ATP11A: variants seen among roughly 807,000 people sequenced by gnomAD.
ATP11A encodes phospholipid-transporting ATPase IH.
Under a neutral mutation model 154.4 loss-of-function variants are expected in ATP11A, and 81 were observed. The ratio of observed to expected loss-of-function variants is 0.52; its 90% CI spans 0.44 to 0.63. The LOEUF is 0.63. ATP11A is among the 30% of genes least tolerant of loss of function. The probability of loss-of-function intolerance (pLI) is 0.00; values close to 1 mark genes in which losing one functional copy is unlikely to be tolerated. For synonymous variants in ATP11A, 623 were observed against 585.9 expected, an observed-to-expected ratio of 1.06 and a Z score of -0.91; for missense variants, 1,316 against 1,474.3, an observed-to-expected ratio of 0.89 and a Z score of 1.76.
intron 1 of ATP11A, among the ~76,000 whole-genome samples, chr13:112,769,523 G>C (rs1367783639): frequency 6.6e-6 from 1 of 152,212 alleles, no homozygotes; most frequent in Admixed American, 6.5e-5. Flanking sequence ...CAGGGACCTT[G>C]GCCTCAAATT....
Position 112,690,516 on chromosome 13 carries a change from C to T in ATP11A, c.39+61C>T. The stretch of plus-strand genomic sequence containing the variant: ...ACCAGACAGACGCGGGCCGGCCCCG[C>T]AGCCCGGACCCTGTGGCCGGTCCAG... On this transcript the variant is annotated intron_variant, in intron 1 of 29. Coordinates refer to ENST00000375645, the MANE Select transcript of ATP11A (RefSeq NM_015205.3). The surrounding 1 kb of genome is among the most constrained non-coding windows in gnomAD (Gnocchi z 5.6). 1 of 1,261,722 alleles carries T rather than the reference C, an allele frequency of 7.9e-7. No individual in the cohort carries two copies. The highest frequency in any genetic ancestry group is 1.0e-6 in the Non-Finnish European group (1 of 1,001,698). The allele number at this position is 1,261,722 out of a possible 1,614,324, so 78.2% of individuals were successfully genotyped here. A position where few individuals can be genotyped will look rare whatever the true frequency, so the allele number is the denominator to read the frequency against.
rs998929788 is a variant in ATP11A, at chr13:112,882,706, G to A, written c.*840G>A. ...CACGCCGGCAGCTTCCAGCCCTGCC[G>A]CAGAAGTGCCAGGATGTCCATCAGC... On this transcript the variant is annotated 3_prime_UTR_variant, in exon 30 of 30. Transcript: ENST00000375645. The surrounding 1 kb of genome is among the most constrained non-coding windows in gnomAD (Gnocchi z 5.1). The A allele has an allele frequency of 7.0e-5, 28 of 399,866 alleles. No individual in the cohort carries two copies. Among genetic ancestry groups the A allele is most frequent in the South Asian group, 1.3e-4 (1 of 7,918 alleles). 24.8% of individuals were successfully genotyped at this position (399,866 alleles called of 1,614,324 possible).
chr13:112,698,206 C>T (rs920883821), intron 1 of ATP11A, among the ~76,000 whole-genome samples: 2 of 152,074 alleles, frequency 1.3e-5, no homozygotes, highest in South Asian at 2.1e-4. Flanking sequence ...GCTGGTTTCC[C>T]GAGGACCGCT....
intron 2 of ATP11A, among the ~76,000 whole-genome samples, chr13:112,798,099 C>G (rs138643478): frequency 1.3e-5 from 2 of 152,086 alleles, no homozygotes; most frequent in African/African-American, 2.4e-5. Context: ...CTCCCTCTGC[C>G]GAGCCCTTTT....
intron 1 of ATP11A, among the ~76,000 whole-genome samples, chr13:112,720,758 G>A (rs578213559): frequency 2.0e-5 from 3 of 152,122 alleles, no homozygotes; most frequent in East Asian, 1.9e-4. Context: ...GGGTTTCACC[G>A]TGTTGGCCAG....
At chr13:112,772,964 T>C (rs972421182) in intron 1 of ATP11A, among the ~76,000 whole-genome samples, 6 of 152,176 alleles carry the variant, frequency 3.9e-5, no homozygotes, top group Non-Finnish European at 5.9e-5. Context: ...GGATGCTCCA[T>C]GTAGGGAATG....
intron 25 of ATP11A, 51 bp from the exon 26 acceptor site, chr13:112,871,684 G>A (rs1566599377): frequency 1.3e-6 from 2 of 1,533,056 alleles, no homozygotes; most frequent in East Asian, 2.3e-5. Flanking sequence ...TTGTGAAAGA[G>A]AAAAAAAAAT....
In ATP11A at chr13:112,852,422, T is replaced by G. The variant is rs79399291; in HGVS notation, c.1991+1204T>G. ...AGTTTTGGTTTGGTGGTTTTGTGTT[T>G]TGTTTTGAAGTCACTCTCCCCTGTT... is the stretch of plus-strand genomic sequence containing the variant. On this transcript the variant is annotated intron_variant, in intron 18 of 29. Coordinates refer to ENST00000375645, the MANE Select transcript of ATP11A (RefSeq NM_015205.3). Among the ~76,000 whole-genome samples the G allele has an allele frequency of 6.2e-3, 939 of 152,252 alleles. 12 individuals carry two copies. The highest frequency in any genetic ancestry group is 0.021 in the African/African-American group (872 of 41,540).
rs765871532 is a variant in ATP11A, at chr13:112,860,476, G to C, written c.2855+62G>C. ...AGAGTAACTAGGCAGCACTCTGGCA[G>C]TTCCTTCCAATAGCCACCTGGCAGA... On this transcript the variant is annotated intron_variant, in intron 24 of 29. Coordinates refer to ENST00000375645, the MANE Select transcript of ATP11A (RefSeq NM_015205.3). 3.1e-6 allele frequency: 5 copies of C among 1,595,792 alleles called. No individual in the cohort carries two copies. In the African/African-American group the frequency reaches 5.4e-5, roughly 17 times the overall value.
At chr13:112,814,209 G>A (rs976418727) in intron 5 of ATP11A, among the ~76,000 whole-genome samples, 2 of 151,946 alleles carry the variant, frequency 1.3e-5, no homozygotes, top group Non-Finnish European at 2.9e-5. Flanking sequence ...GATTACAGGC[G>A]TGCACCACCA....
At chr13:112,791,938 G>C (rs2077870400) in intron 2 of ATP11A, among the ~76,000 whole-genome samples, 2 of 152,200 alleles carry the variant, frequency 1.3e-5, no homozygotes, top group South Asian at 4.1e-4. Flanking sequence ...GGGTCAACAG[G>C]CTCTCAGGAG....
intron 8 of ATP11A, 59 bp from the exon 9 acceptor site, chr13:112,823,286 C>A (rs1459097445): frequency 2.2e-6 from 3 of 1,380,684 alleles, no homozygotes; most frequent in East Asian, 2.3e-5. Flanking sequence ...GCCTCTTGCC[C>A]CCCGCCCTGC....
chr13:112,845,733 A>G (rs1394140380), intron 17 of ATP11A, among the ~76,000 whole-genome samples: 2 of 74,936 alleles, frequency 2.7e-5, no homozygotes, highest in African/African-American at 1.9e-4. Flanking sequence ...TCCAGTTACC[A>G]GGCACTAGCG....
chr13:112,817,321 A>G (rs1293848159), intron 6 of ATP11A, among the ~76,000 whole-genome samples: 1 of 152,240 alleles, frequency 6.6e-6, no homozygotes, highest in Admixed American at 6.5e-5. Context: ...AGGATATGCT[A>G]GTCTTTCATA....
chr13:112,871,148 G>A (rs1321102463), intron 25 of ATP11A, among the ~76,000 whole-genome samples: 4 of 152,330 alleles, frequency 2.6e-5, no homozygotes, highest in African/African-American at 4.8e-5. Context: ...GGTGCCTGGG[G>A]TGTTTCCTCT....
chr13:112,859,544 G>GCTGCTCATTCCCA lies in ATP11A; in HGVS notation c.2727+92_2727+93insCTGCTCATTCCCA. ...CTGTGGGGAGGGGAGACTTGGGAATGAGCAGCACTCCCCGGCACCACGAGG... is the reference window on the plus strand; with the variant it reads ...CTGTGGGGAGGGGAGACTTGGGAATGCTGCTCATTCCCAAGCAGCACTCCCCGGCACCACGAGG... On this transcript the variant is annotated intron_variant, in intron 23 of 29. Transcript: ENST00000375645. The surrounding 1 kb of genome is among the most constrained non-coding windows in gnomAD (Gnocchi z 4.3). The GCTGCTCATTCCCA allele has an allele frequency of 9.1e-7, 1 of 1,099,860 alleles. No homozygotes were observed. Among genetic ancestry groups the GCTGCTCATTCCCA allele is most frequent in the Non-Finnish European group, 1.4e-6 (1 of 713,466 alleles). The allele number at this position is 1,099,860 out of a possible 1,614,324, so 68.1% of individuals were successfully genotyped here.
rs376274344 is a variant in ATP11A at position 112,857,813 on chromosome 13, T to C, written c.2419-5T>C. On this transcript the variant is annotated splice_region_variant and splice_polypyrimidine_tract_variant and intron_variant, in intron 20 of 29. Coordinates refer to ENST00000375645, the MANE Select transcript of ATP11A (RefSeq NM_015205.3). ...AGATAAATTCCGCATTTCTTTCTTT[T>C]GCAGATTGTTAAATTAATCAAATTT... is the stretch of plus-strand genomic sequence containing the variant. The C allele has an allele frequency of 8.1e-6, 13 of 1,610,726 alleles. No homozygotes were observed. The African/African-American group carries it at 1.7e-4, about 22-fold the overall frequency.
chr13:112,846,827 G>A (rs575683557), intron 17 of ATP11A, among the ~76,000 whole-genome samples: 97 of 152,306 alleles, frequency 6.4e-4, no homozygotes, highest in African/African-American at 2.2e-3. Flanking sequence ...CCATGCCTTC[G>A]TGATGTCCAG....
chr13:112,690,454 A>G lies in ATP11A; in HGVS notation c.38A>G (p.Tyr13Cys). The G allele has an allele frequency of 7.4e-7, 1 of 1,352,172 alleles. No homozygotes were observed. Among genetic ancestry groups the G allele is most frequent in the Non-Finnish European group, 9.5e-7 (1 of 1,049,624 alleles). 83.8% of individuals were successfully genotyped at this position (1,352,172 alleles called of 1,614,324 possible). Residue 13 changes from tyrosine to cysteine, a missense_variant and splice_region_variant, in exon 1 of 30, where the codon TAC becomes TGC. By Grantham distance (194) the Tyr-to-Cys change is radical. This residue lies in a region of ATP11A where 123 missense variants were observed against 113.7 expected (regional missense o/e 1.08). Transcript: ENST00000375645. This position sits in a 1 kb window ranked among gnomAD's most constrained non-coding sequence, Gnocchi z 5.6. Reference protein sequence around the residue: ...CSLVRTLVHRYCAGEENWVDS... With the variant: ...CSLVRTLVHRCCAGEENWVDS... Reference sequence around the variant, plus strand: ...CTCGTGCGGACGCTCGTGCACAGATACGTGAGTGCTCCCGGCGCGGGCTGG... The same window carrying G: ...CTCGTGCGGACGCTCGTGCACAGATGCGTGAGTGCTCCCGGCGCGGGCTGG...
Sources: gnomAD v4.1 joint callset for allele counts (sites outside exome capture counted in the v4.1 genomes callset) on GRCh38, gnomAD v4.1.1 for gene constraint, gnomAD v4.1.1 regional missense constraint, Gnocchi (gnomAD v3.1) non-coding constraint, MANE v1.5 for transcripts, NCBI Gene and HGNC (gene_info 2026-07-23, HGNC 2026-07-21) for gene names.